CREBRF: variants seen among roughly 807,000 people sequenced by gnomAD.
The protein encoded by CREBRF is UPF0474 protein C5orf41.
In CREBRF, 5 loss-of-function variants were observed where a neutral mutation model predicts 66.1. The observed-to-expected ratio is 0.08, with a 90% CI of 0.04 to 0.16. The LOEUF is 0.16. Ranked by LOEUF, CREBRF falls within the 10% of genes least tolerant of loss-of-function variation. CREBRF has a pLI of 1.00. For synonymous variants in CREBRF, 229 were observed against 264.4 expected (o/e 0.87, Z 1.30); for missense variants, 531 against 744.9 (o/e 0.71, Z 3.34).
intron 1 of CREBRF, among the ~76,000 whole-genome samples, chr5:173,056,802 G>T (rs1436602739): frequency 6.6e-6 from 1 of 152,090 alleles, no homozygotes; most frequent in Admixed American, 6.5e-5. Flanking sequence ...CCGTCCTGCC[G>T]GGCCGCCCGG....
rs530141715 is a variant in CREBRF, at chr5:173,056,950, G to A, written c.-192+471G>A. 6.6e-5 allele frequency among the ~76,000 whole-genome samples: 10 copies of A among 151,980 alleles called. No individual in the cohort carries two copies. The South Asian group carries it at 2.1e-3, about 32-fold the overall frequency. The stretch of plus-strand genomic sequence containing the variant: ...AGGAGGGGAGAGAGGGGCGTGTGAG[G>A]AAGGGCCGGGGCCGCGGAGGTTGGA... On this transcript the variant is annotated intron_variant, in intron 1 of 8. Transcript: ENST00000296953.
chr5:173,091,043 C>T lies in CREBRF; in HGVS notation c.864C>T (p.Pro288=), dbSNP rs201763080. 180 of 1,614,156 alleles carry T rather than the reference C, an allele frequency of 1.1e-4. 1 individual carries two copies. The highest frequency in any genetic ancestry group is 8.9e-4 in the East Asian group (40 of 44,882). Residue 288 remains proline, a synonymous_variant, in exon 4 of 9, where the codon CCC becomes CCT. Transcript: ENST00000296953. ...GMEPLQGHAT[P]ALPFKETQEL... is the part of the protein sequence containing the mutation. ...AGCCTCTTCAAGGTCATGCCACTCC[C>T]GCTTTGCCTTTTAAAGAAACCCAGG...
Position 173,108,897 on chromosome 5 carries a change from A to G in CREBRF, c.1417+79A>G, listed in dbSNP as rs1299177348. ...CTAATCCATAATGTTTACTCCGTGT[A>G]CCTAGGCATTCAGCCCTTCCTAGCA... On this transcript the variant is annotated intron_variant, in intron 5 of 8. Transcript: ENST00000296953. 3.1e-5 allele frequency: 42 copies of G among 1,334,072 alleles called. No homozygotes were observed. In the East Asian group the frequency reaches 8.3e-4, roughly 26 times the overall value. The allele number at this position is 1,334,072 out of a possible 1,614,324, so 82.6% of individuals were successfully genotyped here.
At chr5:173,104,881 T>C (rs920606151) in intron 4 of CREBRF, among the ~76,000 whole-genome samples, 1 of 152,150 alleles carries the variant, frequency 6.6e-6, no homozygotes, top group African/African-American at 2.4e-5. Context: ...AATAAAACTG[T>C]AATTTGGGTG....
At chr5:173,117,277 G>A (rs150050799) in intron 7 of CREBRF, among the ~76,000 whole-genome samples, 1 of 151,806 alleles carries the variant, frequency 6.6e-6, no homozygotes, top group Non-Finnish European at 1.5e-5. Context: ...CTACTCGTGA[G>A]GCTGAGGGAG....
chr5:173,086,224 A>G, intron 2 of CREBRF: 1 of 749,644 alleles, frequency 1.3e-6, no homozygotes, highest in East Asian at 2.5e-5. Flanking sequence ...ATAGTTTTGT[A>G]TCCACTTTAA....
At chr5:173,083,451 T>G (rs1269386503) in intron 2 of CREBRF, among the ~76,000 whole-genome samples, 1 of 152,168 alleles carries the variant, frequency 6.6e-6, no homozygotes, top group Non-Finnish European at 1.5e-5. Flanking sequence ...TATTATGGAA[T>G]GGACTGTGCC....
intron 1 of CREBRF, among the ~76,000 whole-genome samples, chr5:173,074,373 C>G (rs575101348): frequency 4.6e-5 from 7 of 151,808 alleles, no homozygotes; most frequent in African/African-American, 1.7e-4. Flanking sequence ...TATGTTGTCC[C>G]TGTAACCCAA....
intron 1 of CREBRF, among the ~76,000 whole-genome samples, chr5:173,075,447 T>A (rs1452062847): frequency 2.6e-5 from 4 of 152,210 alleles, no homozygotes; most frequent in African/African-American, 9.6e-5. Flanking sequence ...GTGAAACAGG[T>A]AGTGGCTTGA....
rs1038860772 is a variant in CREBRF, at chr5:173,134,665, A to G, written c.*920A>G. On this transcript the variant is annotated 3_prime_UTR_variant, in exon 9 of 9. Transcript: ENST00000296953. The stretch of plus-strand genomic sequence containing the variant: ...TGTTTTATTTTTTGTACCAAAGACA[A>G]ATGCAACTGATATGGCAAACTGCCA... 13 of 152,848 alleles carry G rather than the reference A, an allele frequency of 8.5e-5. No individual in the cohort carries two copies. Among genetic ancestry groups the G allele is most frequent in the Non-Finnish European group, 1.5e-5 (1 of 68,200 alleles). The allele number at this position is 152,848 out of a possible 1,614,324, so 9.5% of individuals were successfully genotyped here. A position where few individuals can be genotyped will look rare whatever the true frequency, so the allele number is the denominator to read the frequency against.
chr5:173,125,735 G>A (rs543220865), intron 8 of CREBRF, among the ~76,000 whole-genome samples: 3 of 152,270 alleles, frequency 2.0e-5, no homozygotes, highest in South Asian at 2.1e-4. Context: ...GTGGTGGCAC[G>A]CGCCGGTAGT....
intron 2 of CREBRF, chr5:173,085,727 T>C (rs1758127391): frequency 1.3e-6 from 1 of 757,710 alleles, no homozygotes. Flanking sequence ...ATCAGATACA[T>C]TCTTTAGGCC....
rs937995637 is a variant in CREBRF at position 173,135,698 on chromosome 5, G to A, written c.*1953G>A. 1.3e-5 allele frequency: 2 copies of A among 152,030 alleles called. No individual in the cohort carries two copies. Among genetic ancestry groups the A allele is most frequent in the Admixed American group, 1.3e-4 (2 of 15,258 alleles). 9.4% of individuals were successfully genotyped at this position (152,030 alleles called of 1,614,324 possible). On this transcript the variant is annotated 3_prime_UTR_variant, in exon 9 of 9. Coordinates refer to ENST00000296953, the MANE Select transcript of CREBRF (RefSeq NM_153607.3). Reference sequence around the variant, plus strand: ...TTTTACTTTGTTACCCCATTTGTAAGCTATAGCATATGAAGCTATATATAT... The same window carrying A: ...TTTTACTTTGTTACCCCATTTGTAAACTATAGCATATGAAGCTATATATAT...
intron 1 of CREBRF, among the ~76,000 whole-genome samples, chr5:173,074,117 A>G (rs998951969): frequency 6.6e-6 from 1 of 152,078 alleles, no homozygotes; most frequent in Admixed American, 6.5e-5. Context: ...AACGTGACCA[A>G]CATGGTGAAA....
rs1322889404 is a variant in CREBRF at position 173,136,525 on chromosome 5, A to C, written c.*2780A>C. Reference sequence around the variant, plus strand: ...GCAGTAAAATGTAGAGTGAAAGTTAAATCCTCTTGCTGTTTTAACTTTATC... The same window carrying C: ...GCAGTAAAATGTAGAGTGAAAGTTACATCCTCTTGCTGTTTTAACTTTATC... On this transcript the variant is annotated 3_prime_UTR_variant, in exon 9 of 9. Coordinates refer to ENST00000296953, the MANE Select transcript of CREBRF (RefSeq NM_153607.3). The C allele has an allele frequency of 6.6e-6, 1 of 152,490 alleles. No homozygotes were observed. The highest frequency in any genetic ancestry group is 2.4e-5 in the African/African-American group (1 of 41,434). 9.4% of individuals were successfully genotyped at this position (152,490 alleles called of 1,614,324 possible). A position where few individuals can be genotyped will look rare whatever the true frequency, so the allele number is the denominator to read the frequency against.
chr5:173,122,613 T>TATA (rs1759166155), intron 7 of CREBRF, among the ~76,000 whole-genome samples: 2 of 128,912 alleles, frequency 1.6e-5, no homozygotes, highest in South Asian at 2.4e-4. Context: ...TTATTATTAT[T>TATA]ATACTTTAAG....
rs374399381 is a variant in CREBRF at position 173,077,031 on chromosome 5, C to T, written c.-191-3554C>T. 6.6e-5 allele frequency among the ~76,000 whole-genome samples: 10 copies of T among 151,870 alleles called. No individual in the cohort carries two copies. In the East Asian group the frequency reaches 1.8e-3, roughly 27 times the overall value. ...CAATCTCGGCTCACTATAACCTCTGCCTCCCAGGTTCAAGCGATTCTCCTG... is the reference window on the plus strand; with the variant it reads ...CAATCTCGGCTCACTATAACCTCTGTCTCCCAGGTTCAAGCGATTCTCCTG... On this transcript the variant is annotated intron_variant, in intron 1 of 8. Transcript: ENST00000296953.
intron 2 of CREBRF, chr5:173,086,170 C>T: frequency 1.3e-6 from 1 of 775,612 alleles, no homozygotes; most frequent in Non-Finnish European, 2.4e-6. Flanking sequence ...GTTTTGCCAA[C>T]AGCACCATCA....
chr5:173,075,826 C>T (rs2562327), intron 1 of CREBRF, among the ~76,000 whole-genome samples: 1,869 of 151,964 alleles, frequency 0.012, 9 homozygotes, highest in Middle Eastern at 0.017. Context: ...TCATTCTTTC[C>T]TGCCCTCCTG....
Sources: allele counts gnomAD v4.1 joint callset (sites outside exome capture counted in the v4.1 genomes callset), GRCh38; gene constraint gnomAD v4.1.1; transcripts MANE v1.5; gene names NCBI Gene and HGNC (gene_info 2026-07-23, HGNC 2026-07-21).